AKAP19: variants seen among roughly 807,000 people sequenced by gnomAD.
AKAP19 encodes the protein small A-kinase anchoring protein.
the AKAP19 span, among the ~76,000 whole-genome samples, chr2:189,919,218 C>T: frequency 7.2e-5 from 11 of 151,936 alleles, no homozygotes; most frequent in African/African-American, 9.7e-5. Flanking sequence ...AGAAAGCAGA[C>T]GAGTAGTTGC....
At chr2:190,077,915 A>G in the AKAP19 span, among the ~76,000 whole-genome samples, 1 of 152,132 alleles carries the variant, frequency 6.6e-6, no homozygotes, top group African/African-American at 2.4e-5. Flanking sequence ...TGCCCTGGGT[A>G]TTCAACTAGT....
At chr2:190,057,533 G>A in the AKAP19 span, 5 of 1,613,324 alleles carry the variant, frequency 3.1e-6, 1 homozygote, top group Admixed American at 5.0e-5. Context: ...ACAGTTAGAG[G>A]GTAACGACAG....
the AKAP19 span, among the ~76,000 whole-genome samples, chr2:189,882,581 A>G: frequency 8.5e-5 from 13 of 152,258 alleles, no homozygotes; most frequent in Admixed American, 5.2e-4. Flanking sequence ...TGAATACACA[A>G]TTTAATCTGG....
chr2:190,149,233 G>T, the AKAP19 span, among the ~76,000 whole-genome samples: 3 of 152,080 alleles, frequency 2.0e-5, no homozygotes, highest in Non-Finnish European at 4.4e-5. Context: ...AAAGTGCTGG[G>T]ATTACAGGCA....
chr2:189,890,899 G>A, the AKAP19 span, among the ~76,000 whole-genome samples: 1 of 152,078 alleles, frequency 6.6e-6, no homozygotes, highest in Non-Finnish European at 1.5e-5. Flanking sequence ...TTTAATTGGG[G>A]CATTTAGCCC....
chr2:189,983,154 C>A, the AKAP19 span, among the ~76,000 whole-genome samples: 5,223 of 152,250 alleles, frequency 0.034, 282 homozygotes, highest in African/African-American at 0.11. Flanking sequence ...CAGCAGGAAC[C>A]TAATCTGCTT....
chr2:190,168,414 C>A, the AKAP19 span, among the ~76,000 whole-genome samples: 1 of 152,068 alleles, frequency 6.6e-6, no homozygotes, highest in Non-Finnish European at 1.5e-5. Context: ...CCACCCCCAC[C>A]CCCCCACCGC....
chr2:189,903,048 T>C, the AKAP19 span, among the ~76,000 whole-genome samples: 3 of 151,978 alleles, frequency 2.0e-5, no homozygotes. Flanking sequence ...AAATAGTTTT[T>C]TAAGTGTCTT....
the AKAP19 span, among the ~76,000 whole-genome samples, chr2:189,953,619 A>C: frequency 1.4e-5 from 2 of 139,400 alleles, no homozygotes; most frequent in Non-Finnish European, 3.0e-5. Context: ...GGGTGACAAG[A>C]GTGAAACTCC....
At chr2:189,961,082 G>C in the AKAP19 span, among the ~76,000 whole-genome samples, 1 of 152,252 alleles carries the variant, frequency 6.6e-6, no homozygotes, top group East Asian at 1.9e-4. Context: ...GCCTCATTAG[G>C]TTTCAGGGGC....
At chr2:190,167,479 G>C in the AKAP19 span, among the ~76,000 whole-genome samples, 2 of 152,084 alleles carry the variant, frequency 1.3e-5, no homozygotes, top group Non-Finnish European at 2.9e-5. Context: ...CAGTCCCCTG[G>C]AGTCTTAACT....
At chr2:190,073,944 A>G in the AKAP19 span, among the ~76,000 whole-genome samples, 1 of 151,934 alleles carries the variant, frequency 6.6e-6, no homozygotes, top group Admixed American at 6.6e-5. Context: ...CCAGCTACTC[A>G]GGAGGCTGAA....
the AKAP19 span, among the ~76,000 whole-genome samples, chr2:190,084,012 A>G: frequency 1.3e-5 from 2 of 151,834 alleles, no homozygotes; most frequent in Non-Finnish European, 1.5e-5. Flanking sequence ...TTGGGCATAC[A>G]TTAGAGTCAA....
At chr2:189,888,626 GT>G in the AKAP19 span, among the ~76,000 whole-genome samples, 2 of 152,066 alleles carry the variant, frequency 1.3e-5, no homozygotes, top group African/African-American at 2.4e-5. Flanking sequence ...TTGAGCAGTG[GT>G]TTGTAGTTCT....
chr2:190,091,229 TGTC>T, the AKAP19 span, among the ~76,000 whole-genome samples: 1 of 152,218 alleles, frequency 6.6e-6, no homozygotes, highest in Non-Finnish European at 1.5e-5. Context: ...TCAGATAACT[TGTC>T]AGCACGTCAG....
chr2:190,015,609 C>T, the AKAP19 span, among the ~76,000 whole-genome samples: 1 of 152,218 alleles, frequency 6.6e-6, no homozygotes, highest in Non-Finnish European at 1.5e-5. Context: ...ATTACTCATG[C>T]AAATTTCTGC....
chr2:190,134,460 T>A, the AKAP19 span, among the ~76,000 whole-genome samples: 6 of 152,166 alleles, frequency 3.9e-5, no homozygotes, highest in Admixed American at 6.5e-5. Flanking sequence ...TTACCAAAGA[T>A]GTTGAATGAT....
the AKAP19 span, among the ~76,000 whole-genome samples, chr2:190,149,939 T>C: frequency 6.6e-6 from 1 of 152,146 alleles, no homozygotes; most frequent in Non-Finnish European, 1.5e-5. Flanking sequence ...ACTATTATTG[T>C]GTTGCTGCCT....
chr2:190,158,962 G>A, the AKAP19 span, among the ~76,000 whole-genome samples: 6 of 152,230 alleles, frequency 3.9e-5, no homozygotes, highest in East Asian at 3.8e-4. Context: ...AGACTTCTAA[G>A]ACAGGATGAG....
Sources: gnomAD v4.1 joint callset for allele counts (sites outside exome capture counted in the v4.1 genomes callset) on GRCh38, gnomAD v4.1.1 for gene constraint, MANE v1.5 for transcripts, NCBI Gene and HGNC (gene_info 2026-07-23, HGNC 2026-07-21) for gene names.